LARGE1: variants seen among roughly 807,000 people sequenced by gnomAD.
LARGE1 encodes xylosyl- and glucuronyltransferase LARGE1.
Under a neutral mutation model 87.6 loss-of-function variants are expected in LARGE1, and 43 were observed. The ratio of observed to expected loss-of-function variants is 0.49; its 90% CI spans 0.38 to 0.63. LARGE1 has a LOEUF of 0.63. Ranked by LOEUF, LARGE1 falls within the 30% of genes least tolerant of loss-of-function variation. LARGE1 has a pLI of 0.00. For missense variants in LARGE1, 802 were observed against 1,000.2 expected (o/e 0.80, Z 2.67); for synonymous variants, 434 against 394.6 (o/e 1.10, Z -1.18).
In LARGE1 at chr22:33,870,579, G is replaced by A. The variant is rs2064246776; in HGVS notation, c.-83+49416C>T. Among the ~76,000 whole-genome samples, 4 of 152,008 alleles carry A rather than the reference G, an allele frequency of 2.6e-5. 1 individual carries two copies. In the South Asian group the frequency reaches 8.3e-4, roughly 32 times the overall value. Reference sequence around the variant, plus strand: ...CTGTGTTGTTGTTGTTGTTGTTGTTGTTGTTGTTTGAGACCGTCTCGTTCT... The same window carrying A: ...CTGTGTTGTTGTTGTTGTTGTTGTTATTGTTGTTTGAGACCGTCTCGTTCT... On this transcript the variant is annotated intron_variant, in intron 1 of 14. Transcript: ENST00000397394.
intron 1 of LARGE1, among the ~76,000 whole-genome samples, chr22:33,806,738 G>A (rs1183530245): frequency 4.6e-5 from 7 of 152,130 alleles, no homozygotes; most frequent in South Asian, 2.1e-4. Flanking sequence ...TTGGCCGGGC[G>A]TGATGGCTCA....
At chr22:33,837,626 T>C (rs2063148159) in intron 1 of LARGE1, among the ~76,000 whole-genome samples, 1 of 152,214 alleles carries the variant, frequency 6.6e-6, no homozygotes. Context: ...TATGATCATC[T>C]GAGTCCATGA....
chr22:33,332,673 G>A (rs1937881490), intron 10 of LARGE1, among the ~76,000 whole-genome samples: 1 of 152,198 alleles, frequency 6.6e-6, no homozygotes, highest in African/African-American at 2.4e-5. Context: ...CTGGATCCAA[G>A]ATCATACCCT....
At chr22:33,432,009 T>C (rs1601815817) in intron 7 of LARGE1, 152 bp downstream of exon 7, 1 of 699,688 alleles carries the variant, frequency 1.4e-6, no homozygotes, top group Non-Finnish European at 2.6e-6. Flanking sequence ...AAGAAGGAAC[T>C]GGAATGCAAA....
At chr22:33,893,127 C>T (rs738989) in intron 1 of LARGE1, among the ~76,000 whole-genome samples, 1 of 151,990 alleles carries the variant, frequency 6.6e-6, no homozygotes, top group Non-Finnish European at 1.5e-5. Context: ...GGAAAGGACT[C>T]GGTTTAGAAC....
chr22:33,703,654 A>T lies in LARGE1; in HGVS notation c.107-52986T>A, dbSNP rs895938682. ...GAAAGTGGTGTGATTCATTTTGTGGATGGAGGATGGGACCACAAGCCAAGG... is the reference window on the plus strand; with the variant it reads ...GAAAGTGGTGTGATTCATTTTGTGGTTGGAGGATGGGACCACAAGCCAAGG... On this transcript the variant is annotated intron_variant, in intron 2 of 14. Transcript: ENST00000397394. Among the ~76,000 whole-genome samples, 6 of 152,248 alleles carry T rather than the reference A, an allele frequency of 3.9e-5. No homozygotes were observed. The East Asian group carries it at 1.2e-3, about 29-fold the overall frequency.
chr22:33,758,560 T>TAC (rs1556030629), intron 2 of LARGE1, among the ~76,000 whole-genome samples: 1 of 152,208 alleles, frequency 6.6e-6, no homozygotes, highest in Non-Finnish European at 1.5e-5. Flanking sequence ...ATACAGCACC[T>TAC]ACACCCAGTC....
At chr22:33,843,232 G>A (rs991777110) in intron 1 of LARGE1, among the ~76,000 whole-genome samples, 1 of 152,070 alleles carries the variant, frequency 6.6e-6, no homozygotes, top group Non-Finnish European at 1.5e-5. Context: ...AGTGGGTCGG[G>A]AGTATGTCCC....
intron 1 of LARGE1, among the ~76,000 whole-genome samples, chr22:33,862,302 A>T (rs2063952915): frequency 6.6e-6 from 1 of 152,202 alleles, no homozygotes; most frequent in Non-Finnish European, 1.5e-5. Flanking sequence ...ATGGGAGCAA[A>T]GGAAGACTCT....
At position 33,274,472 on chromosome 22, in the gene LARGE1, G is replaced by T; in HGVS notation, c.2226C>A (p.Tyr742Ter). The T allele has an allele frequency of 6.2e-7, 1 of 1,614,196 alleles. No homozygotes were observed. The highest frequency in any genetic ancestry group is 8.5e-7 in the Non-Finnish European group (1 of 1,180,042). Residue 742 changes from tyrosine to a stop codon, truncating the protein, a stop_gained, in exon 15 of 15, where the codon TAC becomes TAA. Coordinates refer to ENST00000397394, the MANE Select transcript of LARGE1 (RefSeq NM_133642.5). LOFTEE classifies it high-confidence loss of function. ...TGAGATATTTCAGGGCAGCAAAGCC[G>T]TAGCGGCGGGACATGTCCTGCTGAA... ...EEFQQDMSRR[Y>*]GFAALKYLTA...
At chr22:33,383,791 C>T (rs142228462) in intron 8 of LARGE1, among the ~76,000 whole-genome samples, 1 of 152,298 alleles carries the variant, frequency 6.6e-6, no homozygotes, top group Non-Finnish European at 1.5e-5. Flanking sequence ...GGGAAATATG[C>T]TGTGGCATTC....
intron 5 of LARGE1, among the ~76,000 whole-genome samples, chr22:33,573,080 T>A (rs943364338): frequency 1.3e-5 from 2 of 152,116 alleles, no homozygotes; most frequent in African/African-American, 4.8e-5. Flanking sequence ...TGGTGCTATA[T>A]CTAAGCAATG....
intron 1 of LARGE1, among the ~76,000 whole-genome samples, chr22:33,825,011 G>A (rs1568962413): frequency 6.6e-6 from 1 of 152,168 alleles, no homozygotes; most frequent in African/African-American, 2.4e-5. Context: ...TTATTTGCAA[G>A]ATGAGGGAAG....
intron 12 of LARGE1, among the ~76,000 whole-genome samples, chr22:33,285,704 A>G (rs978390652): frequency 6.6e-6 from 1 of 152,188 alleles, no homozygotes; most frequent in African/African-American, 2.4e-5. Context: ...CCAGACGTTG[A>G]GCCTGTGCAT....
intron 3 of LARGE1, among the ~76,000 whole-genome samples, chr22:33,641,269 C>T (rs774484774): frequency 2.6e-5 from 4 of 152,136 alleles, no homozygotes; most frequent in Non-Finnish European, 5.9e-5. Flanking sequence ...TGGAGTGGAC[C>T]TCCACCAAAC....
At chr22:33,232,578 T>C (rs1926059380) in intron 11 of LARGE1, among the ~76,000 whole-genome samples, 1 of 152,200 alleles carries the variant, frequency 6.6e-6, no homozygotes, top group South Asian at 2.1e-4. Context: ...TTCCTTCTGG[T>C]ATTTGGAAAG....
At chr22:33,239,575 G>C (rs547821957) in intron 11 of LARGE1, among the ~76,000 whole-genome samples, 1 of 109,740 alleles carries the variant, frequency 9.1e-6, no homozygotes, top group East Asian at 2.8e-4. Context: ...GTCTCACTCT[G>C]TCACCCAGGC....
At chr22:33,470,522 T>C (rs1407099826) in intron 6 of LARGE1, among the ~76,000 whole-genome samples, 1 of 152,180 alleles carries the variant, frequency 6.6e-6, no homozygotes, top group Non-Finnish European at 1.5e-5. Context: ...TGCTCCACGT[T>C]CTCCTCTCTG....
At chr22:33,390,916 C>T (rs1357179706) in intron 7 of LARGE1, among the ~76,000 whole-genome samples, 4 of 152,116 alleles carry the variant, frequency 2.6e-5, no homozygotes, top group East Asian at 1.9e-4. Context: ...AGGCTGGTCT[C>T]GAATTCCTGA....
Sources: allele counts gnomAD v4.1 joint callset (sites outside exome capture counted in the v4.1 genomes callset), GRCh38; gene constraint gnomAD v4.1.1; transcripts MANE v1.5; gene names NCBI Gene and HGNC (gene_info 2026-07-23, HGNC 2026-07-21).